Variants in CUX1 observed in about 807,000 individuals in gnomAD.
CUX1 encodes cut like homeobox 1, also known as protein CASP.
Under a neutral mutation model 158.8 loss-of-function variants are expected in CUX1, and 31 were observed. The ratio of observed to expected loss-of-function variants is 0.20; its 90% confidence interval spans 0.15 to 0.26. The LOEUF (loss-of-function observed/expected upper bound fraction) is 0.26, where lower values mean the gene tolerates loss of function less well. Among genes scored for constraint, CUX1 ranks in the 10% least tolerant of loss-of-function variants. CUX1 has a pLI of 1.00. For missense variants in CUX1, 1,589 were observed against 2,014.6 expected (o/e 0.79, Z 4.04); for synonymous variants, 879 against 862.1 (o/e 1.02, Z -0.34).
intron 1 of CUX1, among the ~76,000 whole-genome samples, chr7:101,913,659 G>A (rs146861688): frequency 6.6e-6 from 1 of 152,106 alleles, no homozygotes; most frequent in East Asian, 1.9e-4. Flanking sequence ...TACCTCCAGC[G>A]CCTGCCAACT....
rs1795452465 is a variant in CUX1 at position 101,844,198 on chromosome 7, C to G, written c.30+26529C>G. On this transcript the variant is annotated intron_variant, in intron 1 of 23. Coordinates refer to ENST00000292535, the MANE Select transcript of CUX1 (RefSeq NM_181552.4). ...TCCCCCTCCCCGCCCCCGCCCCCGCCCCCAACCCCAGCAGCTTCTGTTTAC... is the reference window on the plus strand; with the variant it reads ...TCCCCCTCCCCGCCCCCGCCCCCGCGCCCAACCCCAGCAGCTTCTGTTTAC... 2.0e-5 allele frequency among the ~76,000 whole-genome samples: 3 copies of G among 150,708 alleles called. 1 individual carries two copies. In the Admixed American group the frequency reaches 2.0e-4, roughly 10 times the overall value.
intron 1 of CUX1, among the ~76,000 whole-genome samples, chr7:101,838,328 C>A (rs1031771490): frequency 4.6e-5 from 7 of 151,034 alleles, no homozygotes; most frequent in African/African-American, 1.7e-4. Flanking sequence ...CGGGCTTTCA[C>A]CATGTTGGCT....
At chr7:101,913,697 T>G (rs1444943632) in intron 1 of CUX1, among the ~76,000 whole-genome samples, 2 of 152,106 alleles carry the variant, frequency 1.3e-5, no homozygotes, top group Non-Finnish European at 2.9e-5. Context: ...GCCCACCGAT[T>G]GGGTAACCGC....
intron 8 of CUX1, among the ~76,000 whole-genome samples, chr7:102,152,148 C>T (rs1835761049): frequency 6.6e-6 from 1 of 152,108 alleles, no homozygotes; most frequent in South Asian, 2.1e-4. Context: ...TTAAGACCAG[C>T]TTGGGAAGCA....
chr7:102,249,286 CA>C lies in CUX1; in HGVS notation c.*246del. 4.8e-6 allele frequency: 5 copies of C among 1,043,886 alleles called. No individual in the cohort carries two copies. Among genetic ancestry groups the C allele is most frequent in the Non-Finnish European group, 5.8e-6 (5 of 867,048 alleles). 64.7% of individuals were successfully genotyped at this position (1,043,886 alleles called of 1,614,324 possible). ...CCCGGGCCGACCCTGCGGCCTCCAC[CA>C]ACCCCGCGGCCCAGACCCAGCCCGC... On this transcript the variant is annotated 3_prime_UTR_variant, in exon 24 of 24. Transcript: ENST00000292535.
chr7:101,939,684 A>G (rs2129136286), intron 2 of CUX1, among the ~76,000 whole-genome samples: 1 of 151,992 alleles, frequency 6.6e-6, no homozygotes, highest in Admixed American at 6.5e-5. Context: ...AAATACGAAA[A>G]TTATTGGTGG....
At chr7:102,018,820 A>G (rs1288155960) in intron 2 of CUX1, among the ~76,000 whole-genome samples, 2 of 152,250 alleles carry the variant, frequency 1.3e-5, no homozygotes, top group African/African-American at 4.8e-5. Flanking sequence ...GCACAGGAAC[A>G]CACAAACACA....
rs540629216 is a variant in CUX1, at chr7:102,254,444, G to A, written c.*5402G>A. ...ATAGATGGCTTCCTCCAGCCTACAC[G>A]CCCCGTCCACAGTGGCATCACCCTC... On this transcript the variant is annotated 3_prime_UTR_variant, in exon 24 of 24. Coordinates refer to ENST00000292535, the MANE Select transcript of CUX1 (RefSeq NM_181552.4). 1.5e-5 allele frequency: 15 copies of A among 985,398 alleles called. No homozygotes were observed. The highest frequency in any genetic ancestry group is 1.2e-4 in the Admixed American group (2 of 16,274). 61.0% of individuals were successfully genotyped at this position (985,398 alleles called of 1,614,324 possible). A position where few individuals can be genotyped will look rare whatever the true frequency, so the allele number is the denominator to read the frequency against.
chr7:101,973,336 A>G (rs1812220947), intron 2 of CUX1, among the ~76,000 whole-genome samples: 1 of 152,020 alleles, frequency 6.6e-6, no homozygotes, highest in African/African-American at 2.4e-5. Flanking sequence ...CACGTTCATC[A>G]CGGCTCCCAG....
intron 7 of CUX1, among the ~76,000 whole-genome samples, chr7:102,112,936 G>A (rs1299123120): frequency 1.3e-5 from 2 of 152,068 alleles, no homozygotes; most frequent in Non-Finnish European, 2.9e-5. Context: ...TTATTTAAAT[G>A]TAGACAGACA....
chr7:102,030,689 G>T lies in CUX1; in HGVS notation c.189+2544G>T, dbSNP rs1820642162. 3.6e-5 allele frequency among the ~76,000 whole-genome samples: 3 copies of T among 82,538 alleles called. 1 individual carries two copies. Among genetic ancestry groups the T allele is most frequent in the East Asian group, 3.2e-3 (2 of 616 alleles). 54.1% of individuals were successfully genotyped at this position (82,538 alleles called of 152,430 possible). On this transcript the variant is annotated intron_variant, in intron 3 of 23. Coordinates refer to ENST00000292535, the MANE Select transcript of CUX1 (RefSeq NM_181552.4). The stretch of plus-strand genomic sequence containing the variant: ...TCTATCTAATTTTCTATTTTAAAAA[G>T]TGTTTTTTTTTTTTGAGACAGGGTC...
intron 2 of CUX1, among the ~76,000 whole-genome samples, chr7:101,925,883 C>CCT (rs1805525959): frequency 2.6e-5 from 4 of 152,102 alleles, no homozygotes; most frequent in Admixed American, 2.6e-4. Flanking sequence ...CTTCAGTGAG[C>CCT]CATGATTGCA....
chr7:101,860,921 C>T (rs1274440740), intron 1 of CUX1, among the ~76,000 whole-genome samples: 2 of 152,056 alleles, frequency 1.3e-5, no homozygotes, highest in East Asian at 3.9e-4. Flanking sequence ...ATCCTCCCAC[C>T]TCAGCCTGTG....
intron 22 of CUX1, among the ~76,000 whole-genome samples, chr7:102,236,524 T>G (rs907255283): frequency 6.6e-6 from 1 of 152,264 alleles, no homozygotes; most frequent in East Asian, 1.9e-4. Context: ...AGTCCTCCCA[T>G]CTCGGCCTCC....
At chr7:102,134,039 T>C (rs773761795) in intron 8 of CUX1, among the ~76,000 whole-genome samples, 8 of 152,164 alleles carry the variant, frequency 5.3e-5, no homozygotes, top group Non-Finnish European at 4.4e-5. Context: ...CAAATCTGGT[T>C]TTAAAAAAAG....
intron 21 of CUX1, among the ~76,000 whole-genome samples, chr7:102,232,766 C>T (rs1017470685): frequency 6.6e-6 from 1 of 152,216 alleles, no homozygotes; most frequent in Admixed American, 6.5e-5. Context: ...GCGAAATGCC[C>T]TCTGATCAGC....
intron 9 of CUX1, among the ~76,000 whole-genome samples, chr7:102,165,852 C>T (rs1790971520): frequency 6.6e-6 from 1 of 152,162 alleles, no homozygotes; most frequent in South Asian, 2.1e-4. Context: ...GCCTCCTTCA[C>T]CTTCCCCAGA....
chr7:102,170,038 A>G (rs1791536892), intron 9 of CUX1, among the ~76,000 whole-genome samples: 9 of 152,244 alleles, frequency 5.9e-5, no homozygotes, highest in Admixed American at 5.2e-4. Context: ...GAGAATGGCC[A>G]AAGTGTCTTT....
intron 12 of CUX1, among the ~76,000 whole-genome samples, chr7:102,191,775 CTCT>C (rs199594420): frequency 0.019 from 2,898 of 151,522 alleles, 48 homozygotes; most frequent in Middle Eastern, 0.068. Context: ...CTTCCTCTTC[CTCT>C]TCTTCTTCCT....
Sources: gnomAD v4.1 joint callset for allele counts (sites outside exome capture counted in the v4.1 genomes callset) on GRCh38, gnomAD v4.1.1 for gene constraint, MANE v1.5 for transcripts, NCBI Gene and HGNC (gene_info 2026-07-23, HGNC 2026-07-21) for gene names.